The following DLGAP2 variants were observed in gnomAD, a reference collection of about 807,000 sequenced individuals.
The protein encoded by DLGAP2 is DLG associated protein 2.
A neutral mutation model predicts 100.3 loss-of-function variants in DLGAP2; 26 were observed. That is an observed-to-expected ratio of 0.26 (90% CI 0.19 to 0.36). The LOEUF (loss-of-function observed/expected upper bound fraction) is 0.36. Ranked by LOEUF, DLGAP2 falls within the 10% of genes least tolerant of loss-of-function variation. The probability of loss-of-function intolerance (pLI) is 1.00; values close to 1 mark genes in which losing one functional copy is unlikely to be tolerated. For missense variants in DLGAP2, 1,858 were observed against 1,453.2 expected, an observed-to-expected ratio of 1.28 and a Z score of -4.53; for synonymous variants, 886 against 630.1, an observed-to-expected ratio of 1.41 and a Z score of -6.08.
chr8:1,492,879 G>C (rs1405050048), intron 3 of DLGAP2, among the ~76,000 whole-genome samples: 1 of 152,130 alleles, frequency 6.6e-6, no homozygotes, highest in Admixed American at 6.5e-5. Context: ...CTGAAAGACA[G>C]GCACCTCCAC....
chr8:1,040,533 G>A (rs1447728578), intron 2 of DLGAP2, among the ~76,000 whole-genome samples: 1 of 148,846 alleles, frequency 6.7e-6, no homozygotes, highest in Non-Finnish European at 1.5e-5. Context: ...TCCGTGGTCG[G>A]CTCGGTGTGC....
intron 3 of DLGAP2, among the ~76,000 whole-genome samples, chr8:1,390,111 A>C (rs1444449350): frequency 6.6e-6 from 1 of 150,488 alleles, no homozygotes; most frequent in Non-Finnish European, 1.5e-5. Context: ...GTGGAGTATC[A>C]GGCTTAGAGG....
intron 2 of DLGAP2, among the ~76,000 whole-genome samples, chr8:1,110,177 G>A (rs1258984605): frequency 6.8e-6 from 1 of 147,822 alleles, no homozygotes; most frequent in East Asian, 2.1e-4. Context: ...TCTGTGAGGT[G>A]TGCATGGGTC....
rs1302172991 is a variant in DLGAP2 at position 951,807 on chromosome 8, G to C, written c.73+43841G>C. ...AGGAGGAGAGTAACTAATGACCTTA[G>C]TGGCTAAAGGCGGTCTCAAATCCAT... On this transcript the variant is annotated intron_variant, in intron 2 of 14. Transcript: ENST00000637795. 7.2e-5 allele frequency among the ~76,000 whole-genome samples: 11 copies of C among 152,294 alleles called. No individual in the cohort carries two copies. The East Asian group carries it at 1.9e-3, about 27-fold the overall frequency.
intron 2 of DLGAP2, among the ~76,000 whole-genome samples, chr8:1,056,734 C>T (rs1017909900): frequency 6.6e-6 from 1 of 152,238 alleles, no homozygotes; most frequent in African/African-American, 2.4e-5. Context: ...CCTGCCAGAT[C>T]ATCGCTCCAG....
At chr8:1,432,041 CG>C (rs1307312773) in intron 3 of DLGAP2, among the ~76,000 whole-genome samples, 8 of 148,166 alleles carry the variant, frequency 5.4e-5, no homozygotes, top group Non-Finnish European at 1.0e-4. Context: ...TGCCATCCAT[CG>C]GGGCTGAACC....
In DLGAP2 at chr8:856,372, G is replaced by T. The variant is rs1003773070; in HGVS notation, c.19-51540G>T. ...CCTGGCTAATTTTGTATTTTTGGTA[G>T]AGATGGGATTTCTCCGTGTTGGTCA... On this transcript the variant is annotated intron_variant, in intron 1 of 14. Transcript: ENST00000637795. Among the ~76,000 whole-genome samples, 3 of 151,996 alleles carry T rather than the reference G, an allele frequency of 2.0e-5. No individual in the cohort carries two copies. In the East Asian group the frequency reaches 5.8e-4, roughly 29 times the overall value.
chr8:1,630,702 GAAAAAA>G (rs753113277), intron 7 of DLGAP2, among the ~76,000 whole-genome samples: 3 of 136,746 alleles, frequency 2.2e-5, no homozygotes, highest in Non-Finnish European at 4.8e-5. Flanking sequence ...ACTCCATCTC[GAAAAAA>G]AAAAAAAAGT....
At chr8:1,413,175 G>A (rs1439422966) in intron 3 of DLGAP2, among the ~76,000 whole-genome samples, 1 of 152,086 alleles carries the variant, frequency 6.6e-6, no homozygotes, top group Non-Finnish European at 1.5e-5. Context: ...TCCAAGTCAT[G>A]GCTTGTCTCC....
At chr8:1,391,712 C>T (rs901719984) in intron 3 of DLGAP2, among the ~76,000 whole-genome samples, 1 of 152,244 alleles carries the variant, frequency 6.6e-6, no homozygotes, top group African/African-American at 2.4e-5. Flanking sequence ...CTTGATTTCA[C>T]TCCAGTATTT....
At chr8:786,391 G>C (rs934438986) in intron 1 of DLGAP2, among the ~76,000 whole-genome samples, 2 of 152,318 alleles carry the variant, frequency 1.3e-5, no homozygotes. Flanking sequence ...TCCGGGGACA[G>C]CCACCATTTT....
chr8:1,557,427 G>T (rs1433265428), intron 5 of DLGAP2, among the ~76,000 whole-genome samples: 2 of 152,184 alleles, frequency 1.3e-5, no homozygotes, highest in African/African-American at 4.8e-5. Flanking sequence ...GATGGTGGCT[G>T]AGGGGTGAGG....
chr8:1,182,868 T>A (rs1218717101), intron 2 of DLGAP2, among the ~76,000 whole-genome samples: 1 of 152,134 alleles, frequency 6.6e-6, no homozygotes, highest in African/African-American at 2.4e-5. Flanking sequence ...ATCGGCAGCA[T>A]CCAGTGAGGT....
intron 1 of DLGAP2, among the ~76,000 whole-genome samples, chr8:853,086 G>T (rs1797211400): frequency 6.6e-6 from 1 of 152,260 alleles, no homozygotes; most frequent in Admixed American, 6.5e-5. Context: ...GGGTGCTAGA[G>T]TATGAGTCTA....
At chr8:1,235,404 T>C (rs1472124112) in intron 2 of DLGAP2, among the ~76,000 whole-genome samples, 1 of 151,572 alleles carries the variant, frequency 6.6e-6, no homozygotes, top group African/African-American at 2.4e-5. Context: ...TCTCGTTCTC[T>C]CTCACGTGGC....
chr8:1,153,440 T>C (rs1048890711), intron 2 of DLGAP2, among the ~76,000 whole-genome samples: 1 of 152,182 alleles, frequency 6.6e-6, no homozygotes, highest in East Asian at 1.9e-4. Context: ...TTCTCAGCAG[T>C]GTGTACCGTA....
intron 2 of DLGAP2, among the ~76,000 whole-genome samples, chr8:1,130,657 C>T (rs576026287): frequency 6.6e-6 from 1 of 152,356 alleles, no homozygotes; most frequent in African/African-American, 2.4e-5. Flanking sequence ...AGAGGCTGCA[C>T]AGCAGCATCT....
intron 3 of DLGAP2, among the ~76,000 whole-genome samples, chr8:1,478,942 G>C (rs1192458435): frequency 6.6e-6 from 1 of 152,268 alleles, no homozygotes; most frequent in Non-Finnish European, 1.5e-5. Flanking sequence ...CTGAAGGTCA[G>C]GCTGCAGCGT....
Position 876,056 on chromosome 8 carries a change from C to G in DLGAP2, c.19-31856C>G, listed in dbSNP as rs151315972. Among the ~76,000 whole-genome samples the G allele has an allele frequency of 4.5e-4, 68 of 152,254 alleles. 1 individual carries two copies. The highest frequency in any genetic ancestry group is 9.1e-4 in the African/African-American group (38 of 41,538). Reference sequence around the variant, plus strand: ...TAACATAGCTTTGCTTCCACTAACCCTCTTCGTGCTGTTATTGACAAATAT... The same window carrying G: ...TAACATAGCTTTGCTTCCACTAACCGTCTTCGTGCTGTTATTGACAAATAT... On this transcript the variant is annotated intron_variant, in intron 1 of 14. Coordinates refer to ENST00000637795, the MANE Select transcript of DLGAP2 (RefSeq NM_001346810.2).
Sources: gnomAD v4.1 joint callset for allele counts (sites outside exome capture counted in the v4.1 genomes callset) on GRCh38, gnomAD v4.1.1 for gene constraint, MANE v1.5 for transcripts, NCBI Gene and HGNC (gene_info 2026-07-23, HGNC 2026-07-21) for gene names.